Variants in CDK5RAP1 observed in about 807,000 individuals in gnomAD.
CDK5RAP1 encodes the protein CDK5RAP1 mitochondrial tRNA methylthiotransferase.
A neutral mutation model predicts 64.5 loss-of-function variants in CDK5RAP1; 62 were observed. That is an observed-to-expected ratio of 0.96 (90% CI 0.78 to 1.19). The LOEUF (loss-of-function observed/expected upper bound fraction) is 1.19, where lower values mean the gene tolerates loss of function less well. CDK5RAP1 is among the 50% of genes most tolerant of loss of function. CDK5RAP1 has a pLI of 0.00. For synonymous variants in CDK5RAP1, 250 were observed against 261.9 expected, an observed-to-expected ratio of 0.95 and a Z score of 0.44; for missense variants, 657 against 735.0, an observed-to-expected ratio of 0.89 and a Z score of 1.23.
At chr20:33,391,721 G>A (rs2146708306) in intron 5 of CDK5RAP1, among the ~76,000 whole-genome samples, 1 of 152,258 alleles carries the variant, frequency 6.6e-6, no homozygotes, top group South Asian at 2.1e-4. Context: ...TCGGGAGGCT[G>A]AGGCAGGAGA....
At position 33,391,430 on chromosome 20, in the gene CDK5RAP1, G is replaced by A. The variant is rs1988308193; in HGVS notation, c.544+712C>T. The stretch of plus-strand genomic sequence containing the variant: ...ATTTAATTATAGGTAAATTTAAATA[G>A]CCACATGTGGCTAGTGGTTACCATA... On this transcript the variant is annotated intron_variant, in intron 5 of 13. Coordinates refer to ENST00000346416, the MANE Select transcript of CDK5RAP1 (RefSeq NM_016408.4). Among the ~76,000 whole-genome samples, 6 of 152,090 alleles carry A rather than the reference G, an allele frequency of 3.9e-5. 1 individual carries two copies. Among genetic ancestry groups the A allele is most frequent in the Non-Finnish European group, 8.8e-5 (6 of 68,010 alleles).
At chr20:33,389,685 C>T (rs951049681) in intron 5 of CDK5RAP1, among the ~76,000 whole-genome samples, 1 of 151,924 alleles carries the variant, frequency 6.6e-6, no homozygotes, top group Non-Finnish European at 1.5e-5. Context: ...TCTGCCCGGC[C>T]GCCACCCCGT....
chr20:33,370,478 C>T, intron 11 of CDK5RAP1, 21 bp downstream of exon 11: 1 of 1,613,384 alleles, frequency 6.2e-7, no homozygotes, highest in South Asian at 1.1e-5. Flanking sequence ...GATGTCAGTC[C>T]TCCCCAACCC....
intron 10 of CDK5RAP1, 139 bp from the exon 11 acceptor site, chr20:33,370,768 T>A: frequency 1.2e-6 from 1 of 808,198 alleles, no homozygotes; most frequent in Non-Finnish European, 2.0e-6. Flanking sequence ...AACAAAATAG[T>A]ACAGAGTAAG....
At chr20:33,385,578 T>C in intron 7 of CDK5RAP1, 72 bp downstream of exon 7, 2 of 1,573,070 alleles carry the variant, frequency 1.3e-6, no homozygotes, top group Non-Finnish European at 1.7e-6. Context: ...CAGCATAGGC[T>C]CAAAACTACA....
Position 33,392,215 on chromosome 20 carries a change from G to C in CDK5RAP1, c.471C>G (p.Asn157Lys). The C allele has an allele frequency of 1.2e-6, 2 of 1,613,724 alleles. No homozygotes were observed. The highest frequency in any genetic ancestry group is 1.7e-6 in the Non-Finnish European group (2 of 1,179,648). Residue 157 changes from asparagine (N) to lysine (K), a missense_variant, in exon 5 of 14, where the codon AAC becomes AAG. Physicochemically the swap from Asn to Lys is moderately conservative, Grantham distance 94 (BLOSUM62 0). Transcript: ENST00000346416. ...TCAAGGCTTTAAGCTGATGTAAACG[G>C]TTCCAGATGGTCTGCTCAGCCTTCT... ...IREKAEQTIWNRLHQLKALKT... is the reference protein window; with the variant it reads ...IREKAEQTIWKRLHQLKALKT...
intron 11 of CDK5RAP1, 25 bp downstream of exon 11, chr20:33,370,474 A>G (rs1179586117): frequency 6.2e-7 from 1 of 1,613,108 alleles, no homozygotes; most frequent in Non-Finnish European, 8.5e-7. Flanking sequence ...GAATGATGTC[A>G]GTCCTCCCCA....
intron 9 of CDK5RAP1, chr20:33,373,842 T>C (rs1002518788): frequency 4.6e-6 from 2 of 433,620 alleles, no homozygotes; most frequent in South Asian, 3.8e-5. Flanking sequence ...GGCTTAGTCA[T>C]ACAATAAATA....
intron 7 of CDK5RAP1, among the ~76,000 whole-genome samples, chr20:33,381,685 C>T (rs1986771309): frequency 6.6e-6 from 1 of 152,094 alleles, no homozygotes. Flanking sequence ...ACCATGGTCT[C>T]CCAAAATGCT....
At chr20:33,370,848 GCA>G (rs1376491965) in intron 10 of CDK5RAP1, among the ~76,000 whole-genome samples, 2 of 152,168 alleles carry the variant, frequency 1.3e-5, no homozygotes, top group Non-Finnish European at 2.9e-5. Context: ...TTTCCCCTAA[GCA>G]CTAGAAAAGG....
rs1987601830 is a variant in CDK5RAP1, at chr20:33,387,511, C to T, written c.567G>A (p.Lys189=). 1 of 1,613,948 alleles carries T rather than the reference C, an allele frequency of 6.2e-7. No homozygotes were observed. The highest frequency in any genetic ancestry group is 1.7e-5 in the Admixed American group (1 of 59,968). ...GILGCMAERL[K]EEILNREKMV... Reference sequence around the variant, plus strand: ...TTTTCTCTCTGTTGAGAATCTCCTCCTTCAACCTCTCAGCCATGCAGCCTG... The same window carrying T: ...TTTTCTCTCTGTTGAGAATCTCCTCTTTCAACCTCTCAGCCATGCAGCCTG... The change falls in exon 6 of 14, where the codon AAG becomes AAA. Residue 189 remains lysine (K), a synonymous_variant. Transcript: ENST00000346416.
intron 11 of CDK5RAP1, among the ~76,000 whole-genome samples, chr20:33,369,822 T>G (rs1314939371): frequency 1.3e-5 from 2 of 152,106 alleles, no homozygotes; most frequent in Non-Finnish European, 2.9e-5. Context: ...GGTTCAGTCG[T>G]TTGTCAGCCA....
intron 6 of CDK5RAP1, 145 bp downstream of exon 6, chr20:33,387,178 C>A (rs1242292738): frequency 4.7e-6 from 3 of 631,686 alleles, no homozygotes; most frequent in Non-Finnish European, 8.2e-6. Flanking sequence ...AAAGCAAGAG[C>A]CCAGGAGGTC....
At position 33,380,632 on chromosome 20, in the gene CDK5RAP1, C is replaced by CATGGA. The variant is rs573875490; in HGVS notation, c.877-946_877-942dup. Among the ~76,000 whole-genome samples the CATGGA allele has an allele frequency of 9.9e-5, 15 of 152,218 alleles. No homozygotes were observed. The East Asian group carries it at 2.5e-3, about 25-fold the overall frequency. ...TTCAGAAAAAATACATTTATGGGTG[C>CATGGA]ATGGAGATAGGTGTATGACAAAATG... On this transcript the variant is annotated intron_variant, in intron 7 of 13. Coordinates refer to ENST00000346416, the MANE Select transcript of CDK5RAP1 (RefSeq NM_016408.4).
At chr20:33,360,608 TAACC>T in intron 12 of CDK5RAP1, 117 bp from the exon 13 acceptor site, 6 of 889,922 alleles carry the variant, frequency 6.7e-6, no homozygotes, top group Non-Finnish European at 1.0e-5. Context: ...GAGCATTCCT[TAACC>T]AAGGAATCAC....
intron 10 of CDK5RAP1, among the ~76,000 whole-genome samples, chr20:33,371,040 T>A (rs1984928403): frequency 6.6e-6 from 1 of 152,192 alleles, no homozygotes. Context: ...ACCCCTGTAA[T>A]CCCAGCACTT....
At chr20:33,363,853 T>C (rs1983384483) in intron 12 of CDK5RAP1, among the ~76,000 whole-genome samples, 1 of 152,120 alleles carries the variant, frequency 6.6e-6, no homozygotes, top group Non-Finnish European at 1.5e-5. Flanking sequence ...GAGCTATCAT[T>C]ACACCACCAC....
rs1289507886 is a variant in CDK5RAP1, at chr20:33,395,099, C to T, written c.322G>A (p.Gly108Ser). 6.2e-7 allele frequency: 1 copy of T among 1,612,562 alleles called. No individual in the cohort carries two copies. Among genetic ancestry groups the T allele is most frequent in the Admixed American group, 1.7e-5 (1 of 60,006 alleles). Residue 108 changes from glycine to serine, a missense_variant, in exon 3 of 14, where the codon GGC (glycine) becomes AGC (serine). Gly to Ser is a moderately conservative substitution (Grantham distance 56). Coordinates refer to ENST00000346416, the MANE Select transcript of CDK5RAP1 (RefSeq NM_016408.4). The part of the protein sequence containing the change: ...RQRKVYLETY[G>S]CQMNVNDTEI... ...GTGTCATTCACATTCATCTGGCAGC[C>T]ATAGGTCTCGAGGTAGACTGCAGTG...
rs1230783928 is a variant in CDK5RAP1 at position 33,374,271 on chromosome 20, G to A, written c.1108-59C>T. 3 of 1,079,474 alleles carry A rather than the reference G, an allele frequency of 2.8e-6. No homozygotes were observed. In the African/African-American group the frequency reaches 4.6e-5, roughly 17 times the overall value. The allele number at this position is 1,079,474 out of a possible 1,614,324, so 66.9% of individuals were successfully genotyped here. On this transcript the variant is annotated intron_variant, in intron 8 of 13. Coordinates refer to ENST00000346416, the MANE Select transcript of CDK5RAP1 (RefSeq NM_016408.4). ...ATCTCACCAAAGAACCTTACAGAAA[G>A]CAATACCGCTCTTACTATGTATCCT... is the stretch of plus-strand genomic sequence containing the variant.
Sources: allele counts gnomAD v4.1 joint callset (sites outside exome capture counted in the v4.1 genomes callset), GRCh38; gene constraint gnomAD v4.1.1; transcripts MANE v1.5; gene names NCBI Gene and HGNC (gene_info 2026-07-23, HGNC 2026-07-21).